The following PCDHGB1 variants were observed in gnomAD, a reference collection of about 807,000 sequenced individuals.
PCDHGB1 encodes the protein protocadherin gamma subfamily B, 1, also known as protocadherin gamma-B1.
A neutral mutation model predicts 56.6 loss-of-function variants in PCDHGB1; 34 were observed. The ratio of observed to expected loss-of-function variants is 0.60; its 90% CI spans 0.46 to 0.80. PCDHGB1 has a LOEUF of 0.80. Ranked by LOEUF, PCDHGB1 falls within the 30% of genes least tolerant of loss-of-function variation. PCDHGB1 has a pLI of 0.00. For missense variants in PCDHGB1, 1,278 were observed against 1,204.6 expected, an observed-to-expected ratio of 1.06 and a Z score of -0.90; for synonymous variants, 561 against 505.9, an observed-to-expected ratio of 1.11 and a Z score of -1.46.
chr5:141,362,427 G>C (rs1762495108), intron 1 of PCDHGB1: 3 of 1,614,030 alleles, frequency 1.9e-6, no homozygotes, highest in Non-Finnish European at 1.7e-6. Context: ...CCAAGACAGA[G>C]TTCAATTTTC....
chr5:141,482,530 C>CAAAAAAAAAAAAAAAAA (rs3074545), intron 1 of PCDHGB1, among the ~76,000 whole-genome samples: 1 of 76,562 alleles, frequency 1.3e-5, no homozygotes, highest in African/African-American at 4.8e-5. Flanking sequence ...GACAGACATG[C>CAAAAAAAAAAAAAAAAA]AAAAAAAAAA....
Position 141,489,565 on chromosome 5 carries a change from G to C in PCDHGB1, c.2410-5242G>C. The C allele has an allele frequency of 6.2e-7, 1 of 1,614,118 alleles. No homozygotes were observed. ...CAGCTGCCTGCTGCCAGTGCAGGTGGTGACTGAACACCCCCTGGAGCTAAT... is the reference window on the plus strand; with the variant it reads ...CAGCTGCCTGCTGCCAGTGCAGGTGCTGACTGAACACCCCCTGGAGCTAAT... On this transcript the variant is annotated intron_variant, in intron 1 of 3. Coordinates refer to ENST00000523390, the MANE Select transcript of PCDHGB1 (RefSeq NM_018922.3). This position sits in a 1 kb window ranked among gnomAD's most constrained non-coding sequence, Gnocchi z 4.5.
At chr5:141,385,499 A>G in intron 1 of PCDHGB1, 1 of 1,381,812 alleles carries the variant, frequency 7.2e-7, no homozygotes, top group Non-Finnish European at 9.4e-7. Context: ...AGGATATAGT[A>G]TTTCTTTAGT....
chr5:141,389,411 CG>C, intron 1 of PCDHGB1: 2 of 1,613,568 alleles, frequency 1.2e-6, no homozygotes, highest in South Asian at 2.2e-5. Flanking sequence ...GCGCGGAGAG[CG>C]GGGTGGTGTT....
At chr5:141,374,840 G>A (rs766575793) in intron 1 of PCDHGB1, 4 of 1,613,792 alleles carry the variant, frequency 2.5e-6, no homozygotes, top group Non-Finnish European at 3.4e-6. Context: ...AAGTGTTCCT[G>A]AAAACCTGCC....
At chr5:141,449,280 C>G (rs934214922) in intron 1 of PCDHGB1, among the ~76,000 whole-genome samples, 1 of 151,944 alleles carries the variant, frequency 6.6e-6, no homozygotes, top group East Asian at 1.9e-4. Context: ...CTCCTTCACC[C>G]GGATGCACCG....
chr5:141,456,878 G>A (rs71583646), intron 1 of PCDHGB1, among the ~76,000 whole-genome samples: 21 of 152,162 alleles, frequency 1.4e-4, no homozygotes, highest in African/African-American at 2.4e-4. Flanking sequence ...CAGGAGAATC[G>A]CTTGAACCCG....
chr5:141,419,616 AC>A, intron 1 of PCDHGB1: 1 of 1,612,204 alleles, frequency 6.2e-7, no homozygotes, highest in Non-Finnish European at 8.5e-7. Flanking sequence ...CAGCCAGGCT[AC>A]CTGGTGACCA....
chr5:141,358,641 G>A lies in PCDHGB1; in HGVS notation c.2409+5972G>A, dbSNP rs577212064. Among the ~76,000 whole-genome samples the A allele has an allele frequency of 9.9e-5, 15 of 152,162 alleles. No individual in the cohort carries two copies. The East Asian group carries it at 2.7e-3, about 27-fold the overall frequency. On this transcript the variant is annotated intron_variant, in intron 1 of 3. Transcript: ENST00000523390. Reference sequence around the variant, plus strand: ...CCAAGCTAATTTCAGTCATATATAAGTAGATTCTAGGAGTAACTTTAATAA... The same window carrying A: ...CCAAGCTAATTTCAGTCATATATAAATAGATTCTAGGAGTAACTTTAATAA...
intron 1 of PCDHGB1, among the ~76,000 whole-genome samples, chr5:141,459,692 G>A (rs891511502): frequency 2.6e-5 from 4 of 152,134 alleles, no homozygotes; most frequent in African/African-American, 9.7e-5. Flanking sequence ...AAAGCGTTCC[G>A]CTTGCTACAT....
At chr5:141,468,737 G>A (rs1288031024) in intron 1 of PCDHGB1, among the ~76,000 whole-genome samples, 1 of 151,948 alleles carries the variant, frequency 6.6e-6, no homozygotes, top group African/African-American at 2.4e-5. Context: ...GTGGTGGCGG[G>A]TGCCTGTAGT....
chr5:141,456,633 C>CT (rs1229637837), intron 1 of PCDHGB1, among the ~76,000 whole-genome samples: 1 of 152,182 alleles, frequency 6.6e-6, no homozygotes, highest in Non-Finnish European at 1.5e-5. Context: ...CTCTTCTTTA[C>CT]TACAGGTGTT....
At chr5:141,355,371 G>T (rs777676275) in intron 1 of PCDHGB1, 2 of 1,614,052 alleles carry the variant, frequency 1.2e-6, no homozygotes, top group South Asian at 1.1e-5. Flanking sequence ...TGGCGCCCCG[G>T]GAGCTGGCGG....
intron 1 of PCDHGB1, chr5:141,410,249 G>A (rs371076854): frequency 1.2e-6 from 2 of 1,613,992 alleles, no homozygotes; most frequent in Non-Finnish European, 8.5e-7. Flanking sequence ...TGTACTCTCT[G>A]ACCCCCAGGC....
At chr5:141,381,826 C>CTTT (rs770630741) in intron 1 of PCDHGB1, among the ~76,000 whole-genome samples, 5,488 of 73,990 alleles carry the variant, frequency 0.074, 263 homozygotes, top group Admixed American at 0.16. Context: ...CTTTCTTCTT[C>CTTT]TTTTTTTTTT....
At chr5:141,459,156 T>C (rs920698328) in intron 1 of PCDHGB1, among the ~76,000 whole-genome samples, 1 of 152,188 alleles carries the variant, frequency 6.6e-6, no homozygotes, top group Non-Finnish European at 1.5e-5. Flanking sequence ...ATATAGAACA[T>C]TTCTATAACC....
chr5:141,489,206 C>A lies in PCDHGB1; in HGVS notation c.2410-5601C>A. On this transcript the variant is annotated intron_variant, in intron 1 of 3. Transcript: ENST00000523390. This position sits in a 1 kb window ranked among gnomAD's most constrained non-coding sequence, Gnocchi z 4.5. ...TGGGTCTACCTTGGAGACAGGACAG[C>A]ACAGACTTACTCTCCACAAAGGGAC... 2 of 1,439,024 alleles carry A rather than the reference C, an allele frequency of 1.4e-6. No individual in the cohort carries two copies. Among genetic ancestry groups the A allele is most frequent in the Non-Finnish European group, 1.9e-6 (2 of 1,060,928 alleles). 89.1% of individuals were successfully genotyped at this position (1,439,024 alleles called of 1,614,324 possible). A position where few individuals can be genotyped will look rare whatever the true frequency, so the allele number is the denominator to read the frequency against.
chr5:141,454,232 G>T (rs2098784520), intron 1 of PCDHGB1, among the ~76,000 whole-genome samples: 1 of 152,146 alleles, frequency 6.6e-6, no homozygotes, highest in African/African-American at 2.4e-5. Context: ...TAATTGTGAT[G>T]AAAAGGATGA....
intron 1 of PCDHGB1, chr5:141,411,436 T>C (rs2095489663): frequency 6.7e-6 from 1 of 149,586 alleles, no homozygotes; most frequent in South Asian, 2.1e-4. Flanking sequence ...AAAAAAACAT[T>C]AGCAGAGTGT....
Sources: allele counts gnomAD v4.1 joint callset (sites outside exome capture counted in the v4.1 genomes callset), GRCh38; gene constraint gnomAD v4.1.1; non-coding constraint Gnocchi (gnomAD v3.1); transcripts MANE v1.5; gene names NCBI Gene and HGNC (gene_info 2026-07-23, HGNC 2026-07-21).